MAPK6: variants seen among roughly 807,000 people sequenced by gnomAD.
MAPK6 encodes ERK-3.
A neutral mutation model predicts 59.3 loss-of-function variants in MAPK6; 19 were observed. The ratio of observed to expected loss-of-function variants is 0.32; its 90% CI spans 0.22 to 0.47. The LOEUF (loss-of-function observed/expected upper bound fraction) is 0.47. Among genes scored for constraint, MAPK6 ranks in the 20% least tolerant of loss-of-function variants. MAPK6 has a pLI of 1.00. For missense variants in MAPK6, 724 were observed against 847.9 expected (o/e 0.85, Z 1.81); for synonymous variants, 316 against 290.3 (o/e 1.09, Z -0.90).
Position 52,022,379 on chromosome 15 carries a change from G to C in MAPK6, c.-632+3003G>C, listed in dbSNP as rs532719912. Among the ~76,000 whole-genome samples the C allele has an allele frequency of 1.3e-4, 20 of 152,220 alleles. No individual in the cohort carries two copies. The South Asian group carries it at 4.1e-3, about 32-fold the overall frequency. Reference sequence around the variant, plus strand: ...GGGCTCAGGTGATCTTCCTGCCTCAGCCTCCGGAGGAGCTGGGACTACAGC... The same window carrying C: ...GGGCTCAGGTGATCTTCCTGCCTCACCCTCCGGAGGAGCTGGGACTACAGC... On this transcript the variant is annotated intron_variant, in intron 1 of 5. Transcript: ENST00000261845.
chr15:51,992,504 C>T (rs569915730), intron 2 of MAPK6, among the ~76,000 whole-genome samples: 1 of 151,726 alleles, frequency 6.6e-6, no homozygotes, highest in South Asian at 2.1e-4. Flanking sequence ...CGGGGTTTCA[C>T]CATGTTAGCC....
intron 1 of MAPK6, among the ~76,000 whole-genome samples, chr15:52,031,192 C>T (rs2031019892): frequency 6.6e-6 from 1 of 152,138 alleles, no homozygotes; most frequent in Admixed American, 6.5e-5. Context: ...CTTGTCCTCC[C>T]AATGTGCCGG....
At chr15:51,989,079 ATT>A (rs201759381) in intron 2 of MAPK6, among the ~76,000 whole-genome samples, 13,925 of 132,950 alleles carry the variant, frequency 0.1, 614 homozygotes, top group African/African-American at 0.13. Context: ...AAAATCCATA[ATT>A]TTTTTTTTTT....
chr15:52,046,656 A>G lies in MAPK6; in HGVS notation c.196A>G (p.Ile66Val). 2 of 1,614,188 alleles carry G rather than the reference A, an allele frequency of 1.2e-6. No homozygotes were observed. Among genetic ancestry groups the G allele is most frequent in the South Asian group, 1.1e-5 (1 of 91,086 alleles). The change falls in exon 2 of 6, where the codon ATC becomes GTC. Residue 66 changes from isoleucine (I) to valine (V), a missense_variant. Physicochemically the swap from Ile to Val is conservative, Grantham distance 29. Coordinates refer to ENST00000261845, the MANE Select transcript of MAPK6 (RefSeq NM_002748.4). ...GAGTGTCAAACATGCTCTACGTGAAATCAAAATTATTAGAAGACTTGACCA... is the reference window on the plus strand; with the variant it reads ...GAGTGTCAAACATGCTCTACGTGAAGTCAAAATTATTAGAAGACTTGACCA... ...PQSVKHALRE[I>V]KIIRRLDHDN...
chr15:52,032,186 A>ATTTTTTTTT (rs566086048), intron 1 of MAPK6, among the ~76,000 whole-genome samples: 1 of 92,478 alleles, frequency 1.1e-5, no homozygotes. Flanking sequence ...ACAATTTTTA[A>ATTTTTTTTT]TTTTTTTTTT....
intron 1 of MAPK6, among the ~76,000 whole-genome samples, chr15:51,975,622 G>A (rs1006902276): frequency 6.6e-6 from 1 of 151,684 alleles, no homozygotes; most frequent in African/African-American, 2.4e-5. Flanking sequence ...ACACCTTAAC[G>A]ACTTAGAGGA....
At chr15:52,048,259 C>T (rs1274143091) in intron 2 of MAPK6, among the ~76,000 whole-genome samples, 2 of 152,052 alleles carry the variant, frequency 1.3e-5, no homozygotes, top group East Asian at 1.9e-4. Flanking sequence ...AAGCAGTTCT[C>T]CTGCCTCAGC....
chr15:52,019,401 G>C (rs556099136), intron 1 of MAPK6, 25 bp downstream of exon 1: 56 of 150,228 alleles, frequency 3.7e-4, no homozygotes, highest in African/African-American at 1.3e-3. Flanking sequence ...GTACGTGTGC[G>C]GGGTGCGCCG....
At chr15:52,035,124 T>G (rs2031192928) in intron 1 of MAPK6, among the ~76,000 whole-genome samples, 1 of 152,242 alleles carries the variant, frequency 6.6e-6, no homozygotes, top group African/African-American at 2.4e-5. Context: ...AAGATTTTCC[T>G]TATCTCTTGA....
intron 1 of MAPK6, among the ~76,000 whole-genome samples, chr15:52,044,826 A>T (rs2031546824): frequency 6.6e-6 from 1 of 152,064 alleles, no homozygotes; most frequent in Non-Finnish European, 1.5e-5. Context: ...TTGTTATTTT[A>T]AAATAAATAA....
At chr15:52,010,742 C>T (rs1028735855) in intron 3 of MAPK6, among the ~76,000 whole-genome samples, 5 of 152,162 alleles carry the variant, frequency 3.3e-5, no homozygotes, top group Non-Finnish European at 7.3e-5. Context: ...TGGTCTCAAA[C>T]TCCTGACCTC....
intron 2 of MAPK6, among the ~76,000 whole-genome samples, chr15:52,049,473 G>T (rs144516334): frequency 6.7e-6 from 1 of 149,052 alleles, no homozygotes; most frequent in African/African-American, 2.5e-5. Context: ...GACTACAGGC[G>T]TGTGCCACCA....
chr15:52,021,245 G>A (rs1441875606), intron 1 of MAPK6, among the ~76,000 whole-genome samples: 4 of 152,118 alleles, frequency 2.6e-5, no homozygotes, highest in Admixed American at 6.6e-5. Context: ...AGTAAGGTTT[G>A]CTGACTCAGG....
chr15:52,011,559 T>C (rs1233796281), intron 3 of MAPK6: 1 of 152,194 alleles, frequency 6.6e-6, no homozygotes, highest in African/African-American at 2.4e-5. Context: ...CAACAATAAG[T>C]ATTTAAAAAG....
intron 3 of MAPK6, among the ~76,000 whole-genome samples, chr15:52,057,531 A>T (rs1407914750): frequency 6.9e-6 from 1 of 145,730 alleles, no homozygotes; most frequent in Non-Finnish European, 1.5e-5. Flanking sequence ...TTAATTTTCC[A>T]CTTCTTAGTG....
intron 1 of MAPK6, among the ~76,000 whole-genome samples, chr15:52,041,589 T>C (rs951696682): frequency 6.6e-6 from 1 of 152,228 alleles, no homozygotes; most frequent in Non-Finnish European, 1.5e-5. Flanking sequence ...AGTGACCATC[T>C]GCTGGTCCAA....
rs368853418 is a variant in MAPK6, at chr15:52,028,686, T to C, written c.-632+9310T>C. Among the ~76,000 whole-genome samples the C allele has an allele frequency of 6.6e-5, 10 of 152,362 alleles. No homozygotes were observed. The East Asian group carries it at 1.7e-3, about 26-fold the overall frequency. On this transcript the variant is annotated intron_variant, in intron 1 of 5. Coordinates refer to ENST00000261845, the MANE Select transcript of MAPK6 (RefSeq NM_002748.4). The stretch of plus-strand genomic sequence containing the variant: ...ATCCCTATCATTGCAGACAACACTA[T>C]TGGACAGCACTAAGTGTGGCTTCCT...
Position 52,061,513 on chromosome 15 carries a change from T to C in MAPK6, c.1067+13T>C. ...ATAACTGGGAAAGGTAAATTGATCC[T>C]AAATTAGAAAAATAATATTTACTGA... is the stretch of plus-strand genomic sequence containing the variant. On this transcript the variant is annotated intron_variant, in intron 5 of 5. Transcript: ENST00000261845. 6.3e-7 allele frequency: 1 copy of C among 1,588,034 alleles called. No individual in the cohort carries two copies. Among genetic ancestry groups the C allele is most frequent in the Non-Finnish European group, 8.6e-7 (1 of 1,157,212 alleles).
intron 2 of MAPK6, among the ~76,000 whole-genome samples, chr15:51,991,299 AC>A (rs1480871319): frequency 5.3e-5 from 8 of 152,098 alleles, no homozygotes; most frequent in African/African-American, 1.7e-4. Flanking sequence ...ATCTCTTGGT[AC>A]TAATATAACC....
Sources: allele counts gnomAD v4.1 joint callset (sites outside exome capture counted in the v4.1 genomes callset), GRCh38; gene constraint gnomAD v4.1.1; transcripts MANE v1.5; gene names NCBI Gene and HGNC (gene_info 2026-07-23, HGNC 2026-07-21).